The following COL27A1 variants were observed in gnomAD, a reference collection of about 807,000 sequenced individuals.
The protein encoded by COL27A1 is collagen alpha-1(XXVII) chain.
Under a neutral mutation model 251.3 loss-of-function variants are expected in COL27A1, and 106 were observed. The ratio of observed to expected loss-of-function variants is 0.42; its 90% CI spans 0.36 to 0.50. COL27A1 has a LOEUF of 0.50. Among genes scored for constraint, COL27A1 ranks in the 20% least tolerant of loss-of-function variants. COL27A1 has a pLI of 0.00. For synonymous variants in COL27A1, 1,000 were observed against 986.3 expected (o/e 1.01, Z -0.26); for missense variants, 2,325 against 2,522.8 (o/e 0.92, Z 1.68).
chr9:114,218,040 G>T (rs1469300747), intron 12 of COL27A1: 1 of 354,088 alleles, frequency 2.8e-6, no homozygotes, highest in Non-Finnish European at 5.6e-6. Context: ...CTAGGAGGCA[G>T]AGGTTGCAGT....
At chr9:114,197,737 A>G (rs1476886145) in intron 7 of COL27A1, among the ~76,000 whole-genome samples, 1 of 152,256 alleles carries the variant, frequency 6.6e-6, no homozygotes, top group Admixed American at 6.5e-5. Flanking sequence ...TCTCCAAGTT[A>G]AGGAAAAGCC....
intron 1 of COL27A1, among the ~76,000 whole-genome samples, chr9:114,159,160 T>C (rs1848324245): frequency 6.6e-6 from 1 of 152,252 alleles, no homozygotes; most frequent in South Asian, 2.1e-4. Flanking sequence ...CCTTCAGGGC[T>C]GAAGTCCTCA....
intron 27 of COL27A1, among the ~76,000 whole-genome samples, chr9:114,255,787 G>A (rs963050871): frequency 6.6e-6 from 1 of 152,190 alleles, no homozygotes; most frequent in African/African-American, 2.4e-5. Flanking sequence ...GCGACACTGG[G>A]GAAGCCGGCT....
At chr9:114,157,055 G>A (rs1302312802) in intron 1 of COL27A1, among the ~76,000 whole-genome samples, 7 of 143,166 alleles carry the variant, frequency 4.9e-5, no homozygotes, top group African/African-American at 1.6e-4. Flanking sequence ...CGATTCCCCC[G>A]CCCCGCACCC....
In COL27A1 at chr9:114,289,380, G is replaced by A; in HGVS notation, c.4206+85G>A. 3 of 1,315,628 alleles carry A rather than the reference G, an allele frequency of 2.3e-6. No individual in the cohort carries two copies. The South Asian group carries it at 4.3e-5, about 19-fold the overall frequency. 81.5% of individuals were successfully genotyped at this position (1,315,628 alleles called of 1,614,324 possible). ...ACAGTCACACAGCAAACCAAACGCA[G>A]GCTGCAGAGGCTGCGAGGCAGGGTA... is the stretch of plus-strand genomic sequence containing the variant. On this transcript the variant is annotated intron_variant, in intron 45 of 60. Coordinates refer to ENST00000356083, the MANE Select transcript of COL27A1 (RefSeq NM_032888.4).
intron 55 of COL27A1, 105 bp downstream of exon 55, chr9:114,301,822 G>C (rs1031480717): frequency 2.6e-6 from 3 of 1,155,804 alleles, no homozygotes; most frequent in Non-Finnish European, 3.7e-6. Context: ...ACCCCACAGG[G>C]GTTCTTGTAG....
chr9:114,250,688 A>G lies in COL27A1; in HGVS notation c.3033+20A>G. ...GAAAAGGTAAGTGGTGTTGAGGGGA[A>G]AAGATAAACAATTAGAGCTTGTGTT... is the stretch of plus-strand genomic sequence containing the variant. On this transcript the variant is annotated intron_variant, in intron 25 of 60. Coordinates refer to ENST00000356083, the MANE Select transcript of COL27A1 (RefSeq NM_032888.4). 2 of 1,607,642 alleles carry G rather than the reference A, an allele frequency of 1.2e-6. No homozygotes were observed. Among genetic ancestry groups the G allele is most frequent in the Non-Finnish European group, 1.7e-6 (2 of 1,174,386 alleles).
At chr9:114,294,247 C>CA (rs58536000) in intron 49 of COL27A1, among the ~76,000 whole-genome samples, 3,486 of 84,034 alleles carry the variant, frequency 0.041, 86 homozygotes, top group Middle Eastern at 0.091. Context: ...GACTCTGTCT[C>CA]AAAAAAAAAA....
intron 2 of COL27A1, among the ~76,000 whole-genome samples, chr9:114,163,596 G>A (rs568081178): frequency 3.9e-5 from 6 of 152,244 alleles, no homozygotes; most frequent in East Asian, 1.9e-4. Context: ...TCAAGCAGCC[G>A]CATGCCTCTG....
At chr9:114,246,457 G>A (rs1330666942) in intron 24 of COL27A1, among the ~76,000 whole-genome samples, 1 of 152,204 alleles carries the variant, frequency 6.6e-6, no homozygotes, top group Admixed American at 6.5e-5. Context: ...TTCAATTAAA[G>A]TCCAGAGAAA....
At position 114,169,168 on chromosome 9, in the gene COL27A1, G is replaced by T; in HGVS notation, c.1613G>T (p.Gly538Val). 1 of 1,614,072 alleles carries T rather than the reference G, an allele frequency of 6.2e-7. No individual in the cohort carries two copies. Among genetic ancestry groups the T allele is most frequent in the Non-Finnish European group, 8.5e-7 (1 of 1,180,014 alleles). ...CCCACTGGAAGCAAGAAGCCCATTG[G>T]ATCGGAAGCCTCAAAGAAAGCCGGA... ...SAPTGSKKPI[G>V]SEASKKAGPK... The change falls in exon 3 of 61, where the codon GGA becomes GTA. Residue 538 changes from glycine to valine, a missense_variant. Physicochemically the swap from Gly to Val is moderately radical, Grantham distance 109 (BLOSUM62 -3). Transcript: ENST00000356083.
At chr9:114,174,667 CAG>C (rs766974825) in intron 3 of COL27A1, among the ~76,000 whole-genome samples, 1 of 152,170 alleles carries the variant, frequency 6.6e-6, no homozygotes, top group Non-Finnish European at 1.5e-5. Flanking sequence ...TATGCCATCT[CAG>C]AATATGGGTA....
At chr9:114,283,278 C>T (rs564071118) in intron 39 of COL27A1, among the ~76,000 whole-genome samples, 5 of 152,246 alleles carry the variant, frequency 3.3e-5, no homozygotes, top group South Asian at 2.1e-4. Context: ...TCCACCAACA[C>T]GCACAGATGC....
At chr9:114,239,309 A>G (rs1319009403) in intron 19 of COL27A1, among the ~76,000 whole-genome samples, 2 of 152,254 alleles carry the variant, frequency 1.3e-5, no homozygotes, top group African/African-American at 4.8e-5. Context: ...CCCAGAGTAC[A>G]GGACCCAAAA....
intron 10 of COL27A1, among the ~76,000 whole-genome samples, chr9:114,206,681 G>A (rs890078979): frequency 6.6e-6 from 1 of 152,188 alleles, no homozygotes; most frequent in South Asian, 2.1e-4. Flanking sequence ...GAGGGCTGGG[G>A]GGAACCACTC....
intron 2 of COL27A1, among the ~76,000 whole-genome samples, chr9:114,165,573 T>TCATCCATCCATC (rs201870359): frequency 7.3e-6 from 1 of 136,510 alleles, no homozygotes; most frequent in Non-Finnish European, 1.6e-5. Flanking sequence ...ATTCATCTAT[T>TCATCCATCCATC]CATCCATCCA....
At chr9:114,236,905 G>A in intron 17 of COL27A1, 76 bp from the exon 18 acceptor site, 1 of 1,381,420 alleles carries the variant, frequency 7.2e-7, no homozygotes, top group Non-Finnish European at 1.0e-6. Context: ...CCTGGGACCA[G>A]CAGGAGGACT....
At chr9:114,206,722 G>A (rs1158650856) in intron 10 of COL27A1, among the ~76,000 whole-genome samples, 2 of 152,194 alleles carry the variant, frequency 1.3e-5, no homozygotes, top group African/African-American at 4.8e-5. Flanking sequence ...TGGGAATGCT[G>A]CCCAAGCCTG....
At chr9:114,209,965 A>G (rs1055678801) in intron 11 of COL27A1, among the ~76,000 whole-genome samples, 4 of 152,334 alleles carry the variant, frequency 2.6e-5, no homozygotes, top group East Asian at 1.9e-4. Context: ...CAACACTGCC[A>G]AAGTGCTGCG....
Sources: gnomAD v4.1 joint callset for allele counts (sites outside exome capture counted in the v4.1 genomes callset) on GRCh38, gnomAD v4.1.1 for gene constraint, MANE v1.5 for transcripts, NCBI Gene and HGNC (gene_info 2026-07-23, HGNC 2026-07-21) for gene names.